The following AJAP1 variants were observed in gnomAD, a reference collection of about 807,000 sequenced individuals.
The protein encoded by AJAP1 is adherens junction-associated protein 1.
Under a neutral mutation model 35.0 loss-of-function variants are expected in AJAP1, and 5 were observed. The observed-to-expected ratio is 0.14, with a 90% CI of 0.07 to 0.30. The LOEUF is 0.30. Among genes scored for constraint, AJAP1 ranks in the 10% least tolerant of loss-of-function variants. The pLI, the probability that AJAP1 is intolerant of heterozygous loss-of-function variation, is 1.00. For synonymous variants in AJAP1, 284 were observed against 249.3 expected (o/e 1.14, Z -1.31); for missense variants, 586 against 571.0 (o/e 1.03, Z -0.27).
intron 5 of AJAP1, among the ~76,000 whole-genome samples, chr1:4,780,869 CTG>C (rs1557652777): frequency 6.1e-4 from 93 of 152,194 alleles, no homozygotes; most frequent in African/African-American, 2.2e-3. Context: ...GCAGTGAACC[CTG>C]TGCCCACAGC....
chr1:4,769,770 G>T (rs919308453), intron 2 of AJAP1, 83 bp from the exon 3 acceptor site: 42 of 1,198,750 alleles, frequency 3.5e-5, no homozygotes, highest in Non-Finnish European at 4.8e-5. Context: ...GGGTTGGGGG[G>T]ATGCACCTCC....
At position 4,655,355 on chromosome 1, in the gene AJAP1, G is replaced by A; in HGVS notation, c.-71G>A. The A allele has an allele frequency of 7.0e-7, 1 of 1,435,904 alleles. No homozygotes were observed. Among genetic ancestry groups the A allele is most frequent in the Non-Finnish European group, 9.3e-7 (1 of 1,074,276 alleles). 88.9% of individuals were successfully genotyped at this position (1,435,904 alleles called of 1,614,324 possible). On this transcript the variant is annotated 5_prime_UTR_variant, in exon 1 of 6. Transcript: ENST00000378191. The surrounding 1 kb of genome is among the most constrained non-coding windows in gnomAD (Gnocchi z 6.9). ...GAGACCGGCGCCGCGGGACGGAAGC[G>A]AGCGGGCGCGGGCGCCGCGCAGATG...
At position 4,712,049 on chromosome 1, in the gene AJAP1, C is replaced by CGCCCCGGCT. The variant is rs748186917; in HGVS notation, c.181_189dup (p.Pro61_Leu63dup). 5 of 1,588,002 alleles carry CGCCCCGGCT rather than the reference C, an allele frequency of 3.1e-6. No individual in the cohort carries two copies. The African/African-American group carries it at 6.9e-5, about 22-fold the overall frequency. On this transcript the variant is annotated inframe_insertion, in exon 2 of 6. Transcript: ENST00000378191. ...CTCCTGCCGCGGTCGCCGCCCCGGC[C>CGCCCCGGCT]GCCCCGGCTGTGGAGTTTTAGGAGT...
intron 3 of AJAP1, among the ~76,000 whole-genome samples, chr1:4,771,643 C>T (rs1441708626): frequency 1.3e-5 from 2 of 152,176 alleles, no homozygotes; most frequent in Admixed American, 6.5e-5. Flanking sequence ...TATAAGTGGC[C>T]TCTGGAAACC....
intron 2 of AJAP1, among the ~76,000 whole-genome samples, chr1:4,752,558 T>TA (rs1305884603): frequency 2.6e-5 from 4 of 152,100 alleles, no homozygotes; most frequent in African/African-American, 9.7e-5. Flanking sequence ...TTATGGAGTT[T>TA]AAATTAAATC....
intron 3 of AJAP1, among the ~76,000 whole-genome samples, chr1:4,770,812 G>A (rs975480631): frequency 4.6e-5 from 7 of 152,176 alleles, no homozygotes; most frequent in Non-Finnish European, 1.0e-4. Flanking sequence ...TTGACAGGCT[G>A]CAGGAGGGTG....
chr1:4,767,547 A>G (rs1029268471), intron 2 of AJAP1, among the ~76,000 whole-genome samples: 1 of 151,462 alleles, frequency 6.6e-6, no homozygotes, highest in Non-Finnish European at 1.5e-5. Flanking sequence ...CATCATCACC[A>G]TCTTTATCAT....
chr1:4,726,765 G>A (rs868619874), intron 2 of AJAP1, among the ~76,000 whole-genome samples: 30 of 152,174 alleles, frequency 2.0e-4, no homozygotes, highest in African/African-American at 6.5e-4. Context: ...CAGAGAAACT[G>A]CAGCCGAGAG....
intron 2 of AJAP1, among the ~76,000 whole-genome samples, chr1:4,739,115 A>G (rs1460242845): frequency 6.6e-6 from 1 of 152,154 alleles, no homozygotes; most frequent in Non-Finnish European, 1.5e-5. Context: ...GAGCTAAATG[A>G]CGCAGAAAAC....
chr1:4,761,122 A>T (rs748279573), intron 2 of AJAP1, among the ~76,000 whole-genome samples: 8 of 152,156 alleles, frequency 5.3e-5, no homozygotes, highest in Non-Finnish European at 1.2e-4. Flanking sequence ...TCAGAGGGTA[A>T]ATCTCACTGC....
chr1:4,665,572 G>A (rs1219517989), intron 1 of AJAP1, among the ~76,000 whole-genome samples: 4 of 152,168 alleles, frequency 2.6e-5, no homozygotes, highest in East Asian at 3.9e-4. Context: ...TCACCCCGAC[G>A]GTCCCTGGGG....
chr1:4,742,951 T>G lies in AJAP1; in HGVS notation c.830-26902T>G, dbSNP rs1641103084. 1.3e-5 allele frequency among the ~76,000 whole-genome samples: 2 copies of G among 152,140 alleles called. 1 individual carries two copies. The highest frequency in any genetic ancestry group is 4.1e-4 in the South Asian group (2 of 4,828). ...GACTGACCGACCCACTGGGTCAGAT[T>G]TCAACGTCAAGTTGCCTGATGAGGT... On this transcript the variant is annotated intron_variant, in intron 2 of 5. Coordinates refer to ENST00000378191, the MANE Select transcript of AJAP1 (RefSeq NM_018836.4).
intron 2 of AJAP1, among the ~76,000 whole-genome samples, chr1:4,767,504 C>T (rs1641710632): frequency 6.7e-6 from 1 of 149,804 alleles, no homozygotes; most frequent in Non-Finnish European, 1.5e-5. Flanking sequence ...TCATTATCAC[C>T]ATCATCACCA....
chr1:4,662,965 A>G (rs1040139169), intron 1 of AJAP1, among the ~76,000 whole-genome samples: 1 of 152,000 alleles, frequency 6.6e-6, no homozygotes, highest in Non-Finnish European at 1.5e-5. Context: ...GAAGGACCCA[A>G]ACTGTGCCTA....
At position 4,787,993 on chromosome 1, in the gene AJAP1, G is replaced by T. The variant is rs1035956283; in HGVS notation, c.*5508G>T. The T allele has an allele frequency of 5.2e-5, 16 of 306,818 alleles. No homozygotes were observed. The highest frequency in any genetic ancestry group is 2.2e-4 in the African/African-American group (10 of 45,068). 19.0% of individuals were successfully genotyped at this position (306,818 alleles called of 1,614,324 possible). A position where few individuals can be genotyped will look rare whatever the true frequency, so the allele number is the denominator to read the frequency against. On this transcript the variant is annotated 3_prime_UTR_variant, in exon 6 of 6. Transcript: ENST00000378191. ...GTTTGTCAATTTGCTCTACCATACTGTTTTTTGATTATTTGTTTGTTTTCT... is the reference window on the plus strand; with the variant it reads ...GTTTGTCAATTTGCTCTACCATACTTTTTTTTGATTATTTGTTTGTTTTCT...
intron 1 of AJAP1, among the ~76,000 whole-genome samples, chr1:4,707,735 G>C (rs1006190848): frequency 6.6e-6 from 1 of 152,100 alleles, no homozygotes; most frequent in Non-Finnish European, 1.5e-5. Flanking sequence ...TCCCAGTGCA[G>C]GTTTTCATGT....
chr1:4,683,984 A>C (rs989564927), intron 1 of AJAP1, among the ~76,000 whole-genome samples: 1 of 152,114 alleles, frequency 6.6e-6, no homozygotes, highest in African/African-American at 2.4e-5. Flanking sequence ...GCAGGGTGAG[A>C]GGGAGGCATG....
intron 1 of AJAP1, among the ~76,000 whole-genome samples, chr1:4,681,883 G>A (rs1334876303): frequency 6.6e-6 from 1 of 152,202 alleles, no homozygotes; most frequent in African/African-American, 2.4e-5. Flanking sequence ...GGGGATGACA[G>A]CAGCCTCTGG....
chr1:4,760,334 TGA>T (rs750522452), intron 2 of AJAP1, among the ~76,000 whole-genome samples: 39 of 151,760 alleles, frequency 2.6e-4, no homozygotes, highest in Non-Finnish European at 4.3e-4. Context: ...TGAACGTGTG[TGA>T]GTCTGTGTGT....
Sources: gnomAD v4.1 joint callset for allele counts (sites outside exome capture counted in the v4.1 genomes callset) on GRCh38, gnomAD v4.1.1 for gene constraint, Gnocchi (gnomAD v3.1) non-coding constraint, MANE v1.5 for transcripts, NCBI Gene and HGNC (gene_info 2026-07-23, HGNC 2026-07-21) for gene names.